KPNA7: variants seen among roughly 807,000 people sequenced by gnomAD.
KPNA7 encodes the protein importin subunit alpha-8.
Under a neutral mutation model 53.7 loss-of-function variants are expected in KPNA7, and 54 were observed. The observed-to-expected ratio is 1.01, with a 90% CI of 0.81 to 1.26. The LOEUF (loss-of-function observed/expected upper bound fraction) is 1.26, where lower values mean the gene tolerates loss of function less well. KPNA7 is among the 50% of genes most tolerant of loss of function. The pLI, the probability that KPNA7 is intolerant of heterozygous loss-of-function variation, is 0.00. For synonymous variants in KPNA7, 276 were observed against 259.3 expected (o/e 1.06, Z -0.62); for missense variants, 640 against 644.5 (o/e 0.99, Z 0.07).
At chr7:99,210,755 A>G (rs1354952799), upstream of KPNA7, among the ~76,000 whole-genome samples, 1 of 151,692 alleles carries the variant, frequency 6.6e-6, no homozygotes, top group Non-Finnish European at 1.5e-5. Flanking sequence ...AGGCTGGCTA[A>G]TTTGTATTTT....
chr7:99,215,169 C>T (rs1791183981), intron 1 of KPNA7, among the ~76,000 whole-genome samples: 1 of 151,642 alleles, frequency 6.6e-6, no homozygotes, highest in African/African-American at 2.4e-5. Context: ...GTCAGGAGTT[C>T]GAGACCAGCT....
chr7:99,161,781 C>T, the KPNA7 span, among the ~76,000 whole-genome samples: 7 of 152,184 alleles, frequency 4.6e-5, no homozygotes, highest in Non-Finnish European at 1.0e-4. Context: ...ATGAAAAAAA[C>T]TGAAGCCCAA....
At position 99,195,145 on chromosome 7, in the gene KPNA7, G is replaced by T; in HGVS notation, c.478C>A (p.Pro160Thr). 1.3e-6 allele frequency: 2 copies of T among 1,551,560 alleles called. No individual in the cohort carries two copies. The highest frequency in any genetic ancestry group is 1.7e-6 in the Non-Finnish European group (2 of 1,147,000). Residue 160 changes from proline (P) to threonine (T), a missense_variant, in exon 5 of 11, where the codon CCC (proline) becomes ACC (threonine). Coordinates refer to ENST00000327442, the MANE Select transcript of KPNA7 (RefSeq NM_001145715.3). ...RAVVEGGAIQ[P>T]LIELLSSSNV... ...GAGGAAGACAGGAGCTCAATCAAGG[G>T]CTGGATGGCTCCCCCTTCTACCACG...
intron 9 of KPNA7, among the ~76,000 whole-genome samples, chr7:99,179,089 C>T (rs1039279767): frequency 1.3e-5 from 2 of 151,752 alleles, no homozygotes; most frequent in African/African-American, 4.9e-5. Context: ...AATATCTATT[C>T]TTTATCTGTG....
In KPNA7 at chr7:99,182,259, G is replaced by A. The variant is rs987169266; in HGVS notation, c.1135-194C>T. Reference sequence around the variant, plus strand: ...GTCGCCCAGGCTGGAGTGCAGTGGCGCAATCTCAGCTCACTGCAATCTCCG... The same window carrying A: ...GTCGCCCAGGCTGGAGTGCAGTGGCACAATCTCAGCTCACTGCAATCTCCG... On this transcript the variant is annotated intron_variant, in intron 8 of 10. Transcript: ENST00000327442. Among the ~76,000 whole-genome samples, 8 of 152,122 alleles carry A rather than the reference G, an allele frequency of 5.3e-5. No homozygotes were observed. The East Asian group carries it at 5.8e-4, about 11-fold the overall frequency.
At chr7:99,198,429 G>A (rs888928166) in intron 3 of KPNA7, among the ~76,000 whole-genome samples, 8 of 151,958 alleles carry the variant, frequency 5.3e-5, no homozygotes, top group Non-Finnish European at 1.2e-4. Flanking sequence ...CAACATATTG[G>A]TCATCATGAT....
chr7:99,180,743 G>GTC lies in KPNA7; in HGVS notation c.1317+1139_1317+1140insGA, dbSNP rs200102765. Among the ~76,000 whole-genome samples the GTC allele has an allele frequency of 1.1e-4, 4 of 36,116 alleles. 1 individual carries two copies. Among genetic ancestry groups the GTC allele is most frequent in the East Asian group, 1.2e-3 (2 of 1,632 alleles). The allele number at this position is 36,116 out of a possible 152,430, so 23.7% of individuals were successfully genotyped here. The stretch of plus-strand genomic sequence containing the variant: ...TCCGTCTGTGTCTCTCTCTCTCCCC[G>GTC]TGTCTCTCTCTCTCTCCCCGTCTGT... On this transcript the variant is annotated intron_variant, in intron 9 of 10. Coordinates refer to ENST00000327442, the MANE Select transcript of KPNA7 (RefSeq NM_001145715.3).
downstream of KPNA7, among the ~76,000 whole-genome samples, chr7:99,172,150 T>A (rs559533163): frequency 7.7e-4 from 118 of 152,302 alleles, no homozygotes; most frequent in Middle Eastern, 3.4e-3. Context: ...ATATCTACGA[T>A]GCGAAGAAAG....
At chr7:99,201,476 A>C (rs1360304054) in intron 3 of KPNA7, among the ~76,000 whole-genome samples, 1 of 151,944 alleles carries the variant, frequency 6.6e-6, no homozygotes, top group African/African-American at 2.4e-5. Context: ...ATTCGGGCTA[A>C]CATGGTAAAA....
chr7:99,196,275 G>A, intron 3 of KPNA7, 109 bp from the exon 4 acceptor site: 1 of 719,880 alleles, frequency 1.4e-6, no homozygotes, highest in South Asian at 1.7e-5. Context: ...TGAACAGGAT[G>A]TCCCATCTTG....
At chr7:99,170,489 C>T (rs1380935031), downstream of KPNA7, among the ~76,000 whole-genome samples, 3 of 151,378 alleles carry the variant, frequency 2.0e-5, no homozygotes, top group Middle Eastern at 3.5e-3. Flanking sequence ...ATGGTGGTGG[C>T]AGGGGAGATA....
chr7:99,192,792 C>CA (rs1790021568), intron 6 of KPNA7, among the ~76,000 whole-genome samples: 1 of 152,056 alleles, frequency 6.6e-6, no homozygotes, highest in African/African-American at 2.4e-5. Context: ...CCCAATTTCC[C>CA]AACATTAGAA....
At chr7:99,203,294 T>C in intron 2 of KPNA7, 54 bp from the exon 3 acceptor site, 1 of 1,525,920 alleles carries the variant, frequency 6.6e-7, no homozygotes, top group Non-Finnish European at 8.9e-7. Context: ...GATGTCACAT[T>C]TAGTCTGTCA....
intron 10 of KPNA7, among the ~76,000 whole-genome samples, chr7:99,174,799 G>A (rs1393092346): frequency 1.3e-5 from 2 of 150,586 alleles, no homozygotes; most frequent in East Asian, 3.9e-4. Context: ...CCCTTTAAAA[G>A]AGGTCTCTTA....
intron 2 of KPNA7, among the ~76,000 whole-genome samples, chr7:99,206,623 C>A (rs1370761815): frequency 6.6e-6 from 1 of 152,054 alleles, no homozygotes; most frequent in Non-Finnish European, 1.5e-5. Flanking sequence ...CACACACCAC[C>A]ACACCTGGCC....
At chr7:99,157,121 AT>A in the KPNA7 span, among the ~76,000 whole-genome samples, 1 of 152,156 alleles carries the variant, frequency 6.6e-6, no homozygotes, top group South Asian at 2.1e-4. Context: ...TGTTGAGAAT[AT>A]AAATTAGAGG....
At chr7:99,201,954 C>CA (rs1317814865) in intron 3 of KPNA7, among the ~76,000 whole-genome samples, 4 of 152,064 alleles carry the variant, frequency 2.6e-5, no homozygotes, top group Non-Finnish European at 5.9e-5. Flanking sequence ...GTGATCCACC[C>CA]ACCTCGGCCT....
the KPNA7 span, among the ~76,000 whole-genome samples, chr7:99,157,922 G>A: frequency 6.6e-6 from 1 of 151,876 alleles, no homozygotes; most frequent in African/African-American, 2.4e-5. Context: ...CTACAGGCAG[G>A]TGCTACCACA....
chr7:99,162,498 T>C, the KPNA7 span, among the ~76,000 whole-genome samples: 3 of 152,180 alleles, frequency 2.0e-5, no homozygotes, highest in Admixed American at 6.6e-5. Flanking sequence ...TCCCCGAGTC[T>C]AAGCAGGTGG....
Sources: gnomAD v4.1 joint callset for allele counts (sites outside exome capture counted in the v4.1 genomes callset) on GRCh38, gnomAD v4.1.1 for gene constraint, MANE v1.5 for transcripts, NCBI Gene and HGNC (gene_info 2026-07-23, HGNC 2026-07-21) for gene names.